The following SUPT3H variants were observed in gnomAD, a reference collection of about 807,000 sequenced individuals.
SUPT3H encodes the protein transcription initiation protein SPT3 homolog.
Under a neutral mutation model 44.3 loss-of-function variants are expected in SUPT3H, and 44 were observed. The observed-to-expected ratio is 0.99, with a 90% CI of 0.78 to 1.28. SUPT3H has a LOEUF of 1.28. Among genes scored for constraint, SUPT3H ranks in the 50% most tolerant of loss-of-function variants. SUPT3H has a pLI of 0.00. For missense variants in SUPT3H, 380 were observed against 387.1 expected (o/e 0.98, Z 0.15); for synonymous variants, 124 against 125.6 (o/e 0.99, Z 0.09).
chr6:45,110,522 A>G (rs1338269012), intron 2 of SUPT3H, among the ~76,000 whole-genome samples: 1 of 151,970 alleles, frequency 6.6e-6, no homozygotes, highest in East Asian at 1.9e-4. Flanking sequence ...TTTGCTCTCA[A>G]AAAACAACAG....
chr6:45,153,066 T>C (rs968031359), intron 2 of SUPT3H, among the ~76,000 whole-genome samples: 4 of 152,204 alleles, frequency 2.6e-5, no homozygotes, highest in African/African-American at 9.6e-5. Flanking sequence ...CATTCTGGCA[T>C]AATGGCATTC....
chr6:45,249,070 C>T (rs931452133), intron 2 of SUPT3H, among the ~76,000 whole-genome samples: 2 of 152,056 alleles, frequency 1.3e-5, no homozygotes, highest in Non-Finnish European at 2.9e-5. Context: ...TTAGAAACCA[C>T]GTGATATCGT....
At chr6:44,895,894 GT>G (rs1164366948) in intron 10 of SUPT3H, among the ~76,000 whole-genome samples, 1 of 151,614 alleles carries the variant, frequency 6.6e-6, no homozygotes. Context: ...GGTAAAAAAA[GT>G]GAAGCGGTCA....
rs1766372423 is a variant in SUPT3H, at chr6:44,809,551, C to G, written c.*53-50G>C. 3 of 152,142 alleles carry G rather than the reference C, an allele frequency of 2.0e-5. No individual in the cohort carries two copies. In the South Asian group the frequency reaches 6.2e-4, roughly 31 times the overall value. The allele number at this position is 152,142 out of a possible 1,614,324, so 9.4% of individuals were successfully genotyped here. A position where few individuals can be genotyped will look rare whatever the true frequency, so the allele number is the denominator to read the frequency against. On this transcript the variant is annotated intron_variant and NMD_transcript_variant, in intron 11 of 11. Transcript: ENST00000475057. Reference sequence around the variant, plus strand: ...TCAGTGTTTACCAAATGGAAAAGCACAAAGTTGGTACAGAGAGAAATGTTA... The same window carrying G: ...TCAGTGTTTACCAAATGGAAAAGCAGAAAGTTGGTACAGAGAGAAATGTTA...
chr6:45,142,398 C>T (rs911028171), intron 2 of SUPT3H, among the ~76,000 whole-genome samples: 2 of 152,078 alleles, frequency 1.3e-5, no homozygotes, highest in African/African-American at 2.4e-5. Context: ...TACATCACAT[C>T]TCAATACTAA....
At chr6:44,850,745 CATCT>C (rs56936002) in intron 10 of SUPT3H, among the ~76,000 whole-genome samples, 11,342 of 147,476 alleles carry the variant, frequency 0.077, 458 homozygotes, top group South Asian at 0.11. Flanking sequence ...GTTTTATATA[CATCT>C]ATCTATCTAT....
intron 2 of SUPT3H, among the ~76,000 whole-genome samples, chr6:45,165,158 C>A (rs1809637453): frequency 1.3e-5 from 2 of 152,136 alleles, no homozygotes; most frequent in South Asian, 4.1e-4. Flanking sequence ...AGAGAAATTC[C>A]CTGTCTGTGG....
intron 5 of SUPT3H, among the ~76,000 whole-genome samples, chr6:45,011,029 C>T (rs531085742): frequency 9.2e-5 from 14 of 152,166 alleles, no homozygotes; most frequent in Non-Finnish European, 2.9e-5. Context: ...GAATTGTTTT[C>T]TAAGTTTAAA....
intron 2 of SUPT3H, among the ~76,000 whole-genome samples, chr6:45,117,352 T>C (rs1352857731): frequency 6.6e-6 from 1 of 152,102 alleles, no homozygotes; most frequent in African/African-American, 2.4e-5. Flanking sequence ...ACATCAAACA[T>C]CTCATTTAAA....
intron 2 of SUPT3H, among the ~76,000 whole-genome samples, chr6:45,301,449 G>A (rs577776868): frequency 1.2e-3 from 187 of 151,924 alleles, no homozygotes; most frequent in African/African-American, 4.2e-3. Context: ...TTTAGTTTAG[G>A]GTTTTTCTCT....
intron 2 of SUPT3H, among the ~76,000 whole-genome samples, chr6:45,141,698 T>A (rs993080575): frequency 9.9e-5 from 15 of 152,078 alleles, no homozygotes; most frequent in Admixed American, 8.5e-4. Flanking sequence ...AATTTGAGAT[T>A]ATGTAATAAC....
intron 10 of SUPT3H, among the ~76,000 whole-genome samples, chr6:44,888,546 C>T (rs947298300): frequency 6.6e-6 from 1 of 152,118 alleles, no homozygotes; most frequent in Non-Finnish European, 1.5e-5. Context: ...GCAGAAAAGG[C>T]CTTTGACAAA....
At chr6:44,812,727 T>G (rs1309990686) in intron 11 of SUPT3H, among the ~76,000 whole-genome samples, 1 of 152,158 alleles carries the variant, frequency 6.6e-6, no homozygotes, top group Non-Finnish European at 1.5e-5. Context: ...TCACGAAATT[T>G]GCCAATTAAC....
intron 3 of SUPT3H, among the ~76,000 whole-genome samples, chr6:45,050,502 G>A (rs936850953): frequency 2.6e-5 from 4 of 151,784 alleles, no homozygotes; most frequent in Admixed American, 2.6e-4. Flanking sequence ...TCATGGGGGC[G>A]GGCAGGGAAA....
chr6:45,225,858 G>A (rs1766847469), intron 2 of SUPT3H, among the ~76,000 whole-genome samples: 1 of 152,066 alleles, frequency 6.6e-6, no homozygotes, highest in East Asian at 1.9e-4. Flanking sequence ...CCACATGGTT[G>A]TAGTAATTTA....
chr6:44,867,965 A>ATTTTT (rs34985613), intron 10 of SUPT3H, among the ~76,000 whole-genome samples: 1 of 146,100 alleles, frequency 6.8e-6, no homozygotes, highest in Non-Finnish European at 1.5e-5. Flanking sequence ...CCATTTTGGT[A>ATTTTT]TTTTTTTTTT....
At chr6:44,900,746 A>T (rs1294859233) in intron 10 of SUPT3H, among the ~76,000 whole-genome samples, 2 of 152,180 alleles carry the variant, frequency 1.3e-5, no homozygotes, top group Non-Finnish European at 2.9e-5. Flanking sequence ...CCTGACCCCC[A>T]AGTAGCCTAA....
intron 10 of SUPT3H, among the ~76,000 whole-genome samples, chr6:44,907,735 T>G (rs2153451502): frequency 6.6e-6 from 1 of 152,286 alleles, no homozygotes; most frequent in Admixed American, 6.5e-5. Flanking sequence ...GTTACAGGCA[T>G]TATTGTTTTG....
At chr6:44,945,529 G>C (rs568851872) in intron 9 of SUPT3H, among the ~76,000 whole-genome samples, 7 of 152,240 alleles carry the variant, frequency 4.6e-5, no homozygotes, top group African/African-American at 1.7e-4. Flanking sequence ...TGATAAGAAG[G>C]TGAAACAGCC....
Sources: allele counts gnomAD v4.1 joint callset (sites outside exome capture counted in the v4.1 genomes callset), GRCh38; gene constraint gnomAD v4.1.1; transcripts MANE v1.5; gene names NCBI Gene and HGNC (gene_info 2026-07-23, HGNC 2026-07-21).